Variants in PLCB1 observed in about 807,000 individuals in gnomAD.
PLCB1 encodes phospholipase C beta 1, also known as 1-phosphatidylinositol 4,5-bisphosphate phosphodiesterase beta-1.
In PLCB1, 46 loss-of-function variants were observed where a neutral mutation model predicts 161.8. That is an observed-to-expected ratio of 0.28 (90% CI 0.22 to 0.36). PLCB1 has a LOEUF of 0.36. Among genes scored for constraint, PLCB1 ranks in the 10% least tolerant of loss-of-function variants. PLCB1 has a pLI of 1.00. For synonymous variants in PLCB1, 517 were observed against 503.7 expected (o/e 1.03, Z -0.35); for missense variants, 1,016 against 1,472.5 (o/e 0.69, Z 5.07).
At chr20:8,486,359 T>A (rs2074819479) in intron 3 of PLCB1, among the ~76,000 whole-genome samples, 1 of 152,224 alleles carries the variant, frequency 6.6e-6, no homozygotes, top group South Asian at 2.1e-4. Flanking sequence ...CATGCCATGG[T>A]TACTTTTCCC....
intron 9 of PLCB1, among the ~76,000 whole-genome samples, chr20:8,675,203 C>T (rs967300244): frequency 2.6e-5 from 4 of 152,042 alleles, no homozygotes; most frequent in Non-Finnish European, 5.9e-5. Flanking sequence ...CCTTTAGAAA[C>T]GTAGGGAGTT....
chr20:8,442,120 T>C (rs1980587393), intron 3 of PLCB1, among the ~76,000 whole-genome samples: 1 of 152,230 alleles, frequency 6.6e-6, no homozygotes, highest in African/African-American at 2.4e-5. Context: ...TTCTGTAGTT[T>C]TTTCCTTATT....
intron 2 of PLCB1, among the ~76,000 whole-genome samples, chr20:8,342,976 T>G (rs1985867888): frequency 6.6e-6 from 1 of 152,144 alleles, no homozygotes. Flanking sequence ...CAAGGAATAG[T>G]TTTATACAAT....
intron 2 of PLCB1, among the ~76,000 whole-genome samples, chr20:8,233,331 T>C (rs1295092861): frequency 6.6e-6 from 1 of 152,108 alleles, no homozygotes; most frequent in Non-Finnish European, 1.5e-5. Context: ...GGAACACAGA[T>C]AAGGGGGAAA....
chr20:8,609,489 G>C (rs191289537), intron 3 of PLCB1, among the ~76,000 whole-genome samples: 23 of 152,238 alleles, frequency 1.5e-4, no homozygotes, highest in African/African-American at 5.5e-4. Flanking sequence ...ATGACTGCTG[G>C]CTCCAACGCA....
chr20:8,233,259 G>T (rs1364167051), intron 2 of PLCB1, among the ~76,000 whole-genome samples: 3 of 152,080 alleles, frequency 2.0e-5, no homozygotes, highest in Non-Finnish European at 4.4e-5. Context: ...CATCTAATGG[G>T]AATAATAATG....
intron 9 of PLCB1, among the ~76,000 whole-genome samples, chr20:8,684,175 C>A (rs778440419): frequency 6.6e-6 from 1 of 151,238 alleles, no homozygotes; most frequent in African/African-American, 2.4e-5. Context: ...TGAGCCACCG[C>A]GCCCAGCCCC....
chr20:8,322,168 G>T (rs748298452), intron 2 of PLCB1, among the ~76,000 whole-genome samples: 4 of 151,978 alleles, frequency 2.6e-5, no homozygotes, highest in Non-Finnish European at 5.9e-5. Flanking sequence ...TCTCTTCATT[G>T]TCTTGTATTC....
At chr20:8,149,104 C>G (rs1382247828) in intron 1 of PLCB1, among the ~76,000 whole-genome samples, 2 of 152,058 alleles carry the variant, frequency 1.3e-5, no homozygotes, top group Non-Finnish European at 2.9e-5. Flanking sequence ...CACAGAATAT[C>G]CTGATAAACT....
chr20:8,644,206 C>T (rs1349972290), intron 4 of PLCB1, among the ~76,000 whole-genome samples: 1 of 152,194 alleles, frequency 6.6e-6, no homozygotes, highest in East Asian at 1.9e-4. Flanking sequence ...CAGCCTCTGC[C>T]CGGCCACCAC....
intron 4 of PLCB1, among the ~76,000 whole-genome samples, chr20:8,629,970 CT>C (rs373949152): frequency 0.027 from 578 of 21,334 alleles, 11 homozygotes; most frequent in African/African-American, 0.069. Flanking sequence ...TTTCTTCTTT[CT>C]TTCTTTCTTT....
intron 3 of PLCB1, among the ~76,000 whole-genome samples, chr20:8,538,093 G>A (rs1985127246): frequency 6.6e-6 from 1 of 152,066 alleles, no homozygotes; most frequent in Admixed American, 6.5e-5. Context: ...CCAAATGTAA[G>A]AATAAATGAC....
chr20:8,521,917 T>TAAG (rs1984363581), intron 3 of PLCB1, among the ~76,000 whole-genome samples: 2 of 152,180 alleles, frequency 1.3e-5, no homozygotes, highest in Non-Finnish European at 2.9e-5. Context: ...GTGCAAACTA[T>TAAG]ATTCTCCTTC....
At chr20:8,539,680 C>CTT (rs775022948) in intron 3 of PLCB1, among the ~76,000 whole-genome samples, 6,962 of 50,920 alleles carry the variant, frequency 0.14, 151 homozygotes, top group Non-Finnish European at 0.18. Context: ...TTCTTTCTTT[C>CTT]TTTCTTTTTC....
At chr20:8,460,556 T>C (rs1195604298) in intron 3 of PLCB1, among the ~76,000 whole-genome samples, 2 of 152,240 alleles carry the variant, frequency 1.3e-5, no homozygotes, top group African/African-American at 2.4e-5. Context: ...TAGGCAAAGT[T>C]TCTGTGTGAT....
chr20:8,142,675 A>G (rs1203707408), intron 1 of PLCB1, among the ~76,000 whole-genome samples: 5 of 152,238 alleles, frequency 3.3e-5, no homozygotes, highest in Non-Finnish European at 7.3e-5. Context: ...GACAGAACAA[A>G]AGATGCATGG....
rs184853672 is a variant in PLCB1 at position 8,300,235 on chromosome 20, G to A, written c.178-71147G>A. On this transcript the variant is annotated intron_variant, in intron 2 of 31. Transcript: ENST00000338037. ...CAGCACAAGTAGAGATATCAAGTAC[G>A]AGTATTTGTTCAATGCTCTGGTGTG... is the stretch of plus-strand genomic sequence containing the variant. Among the ~76,000 whole-genome samples the A allele has an allele frequency of 1.4e-4, 22 of 152,292 alleles. No homozygotes were observed. In the East Asian group the frequency reaches 3.5e-3, roughly 24 times the overall value.
chr20:8,391,824 T>TATATACAC (rs1157204782), intron 3 of PLCB1, among the ~76,000 whole-genome samples: 17 of 115,410 alleles, frequency 1.5e-4, no homozygotes, highest in African/African-American at 5.2e-4. Flanking sequence ...TATATATATA[T>TATATACAC]ACACACACAT....
chr20:8,438,866 A>G lies in PLCB1; in HGVS notation c.246+67416A>G, dbSNP rs113168044. On this transcript the variant is annotated intron_variant, in intron 3 of 31. Transcript: ENST00000338037. The stretch of plus-strand genomic sequence containing the variant: ...ATTTCACCTGGCCCCAAGACGATGC[A>G]AGGCACCCACTCTGCTTTTTTTGTG... 4.5e-3 allele frequency among the ~76,000 whole-genome samples: 678 copies of G among 152,278 alleles called. 8 individuals carry two copies. Among genetic ancestry groups the G allele is most frequent in the African/African-American group, 0.015 (620 of 41,554 alleles).
Sources: gnomAD v4.1 joint callset for allele counts (sites outside exome capture counted in the v4.1 genomes callset) on GRCh38, gnomAD v4.1.1 for gene constraint, MANE v1.5 for transcripts, NCBI Gene and HGNC (gene_info 2026-07-23, HGNC 2026-07-21) for gene names.